Variants in KIF13B observed in about 807,000 individuals in gnomAD.
The protein encoded by KIF13B is kinesin-like protein KIF13B.
KIF13B carries 127 observed loss-of-function variants against 222.0 expected under a neutral mutation model. The ratio of observed to expected loss-of-function variants is 0.57; its 90% confidence interval spans 0.50 to 0.66. The LOEUF (loss-of-function observed/expected upper bound fraction) is 0.66. Among genes scored for constraint, KIF13B ranks in the 30% least tolerant of loss-of-function variants. The pLI is 0.00. For synonymous variants in KIF13B, 976 were observed against 919.0 expected (o/e 1.06, Z -1.12); for missense variants, 2,173 against 2,379.0 (o/e 0.91, Z 1.80).
intron 37 of KIF13B, among the ~76,000 whole-genome samples, chr8:29,079,740 C>G (rs963235541): frequency 1.3e-5 from 2 of 152,136 alleles, no homozygotes; most frequent in African/African-American, 4.8e-5. Flanking sequence ...CTAACAATCA[C>G]CCCTTACCCT....
intron 16 of KIF13B, 82 bp downstream of exon 16, chr8:29,148,495 G>C: frequency 9.8e-7 from 1 of 1,017,798 alleles, no homozygotes; most frequent in South Asian, 2.0e-5. Flanking sequence ...CTGCAGCCTG[G>C]AACTCCTGGG....
intron 2 of KIF13B, among the ~76,000 whole-genome samples, chr8:29,197,738 C>T (rs1008551289): frequency 6.6e-6 from 1 of 152,202 alleles, no homozygotes; most frequent in Non-Finnish European, 1.5e-5. Flanking sequence ...TGGCTTCAGG[C>T]TGCTTAAAGC....
intron 20 of KIF13B, 120 bp from the exon 21 acceptor site, chr8:29,140,311 C>CCTAGT (rs1810756911): frequency 7.0e-7 from 1 of 1,435,232 alleles, no homozygotes; most frequent in African/African-American, 1.4e-5. Flanking sequence ...AATTTAGAGG[C>CCTAGT]CTAGTCTCTG....
chr8:29,135,193 G>GTCAC (rs1810504020), intron 21 of KIF13B, among the ~76,000 whole-genome samples: 1 of 152,050 alleles, frequency 6.6e-6, no homozygotes, highest in African/African-American at 2.4e-5. Context: ...ACAGGTGTGT[G>GTCAC]TCACCATGCC....
chr8:29,125,747 G>GA (rs34392914), intron 26 of KIF13B, among the ~76,000 whole-genome samples: 68,957 of 143,334 alleles, frequency 0.48, 17,809 homozygotes, highest in Non-Finnish European at 0.61. Context: ...GAAAACAAAG[G>GA]AAAAAAAAAA....
intron 2 of KIF13B, among the ~76,000 whole-genome samples, chr8:29,208,009 C>A (rs890567533): frequency 6.6e-6 from 1 of 152,174 alleles, no homozygotes; most frequent in African/African-American, 2.4e-5. Context: ...CAAGTCCTTG[C>A]CCTCAAGGAG....
At chr8:29,228,472 A>AAAATACATATATAT in intron 2 of KIF13B, among the ~76,000 whole-genome samples, 2 of 117,086 alleles carry the variant, frequency 1.7e-5, no homozygotes, top group Admixed American at 8.9e-5. Context: ...ATCTTAAAAA[A>AAAATACATATATAT]ATATATATAT....
Position 29,177,555 on chromosome 8 carries a change from T to G in KIF13B, c.744A>C (p.Lys248Asn), listed in dbSNP as rs1812532821. 6.2e-7 allele frequency: 1 copy of G among 1,613,140 alleles called. No individual in the cohort carries two copies. Residue 248 changes from lysine (K) to asparagine (N), a missense_variant, in exon 9 of 40, where the codon AAA (lysine) becomes AAC (asparagine). By Grantham distance (94) the Lys-to-Asn change is moderately conservative. Transcript: ENST00000524189. ...TGCCAGCTAAATCCACCAGGCTGAG[T>G]TTGCCCACTTTCTCTCCAGATGTCT... ...KSGTSGEKVG[K>N]LSLVDLAGSE...
chr8:29,101,588 C>T (rs1808787876), intron 35 of KIF13B, among the ~76,000 whole-genome samples: 1 of 152,150 alleles, frequency 6.6e-6, no homozygotes, highest in Non-Finnish European at 1.5e-5. Context: ...CTCATTTACT[C>T]AAATACTGAA....
At chr8:29,120,504 T>C (rs867427318) in intron 29 of KIF13B, among the ~76,000 whole-genome samples, 242 of 10,858 alleles carry the variant, frequency 0.022, 19 homozygotes, top group African/African-American at 0.094. Flanking sequence ...ACAAAGGACA[T>C]GAACTCATCA....
At chr8:29,137,442 G>A (rs1810615851) in intron 21 of KIF13B, among the ~76,000 whole-genome samples, 1 of 152,236 alleles carries the variant, frequency 6.6e-6, no homozygotes, top group African/African-American at 2.4e-5. Context: ...AGGAATGTCT[G>A]CAGGCACGGA....
intron 30 of KIF13B, among the ~76,000 whole-genome samples, chr8:29,117,358 T>TCA (rs965466417): frequency 6.6e-6 from 1 of 152,136 alleles, no homozygotes; most frequent in Admixed American, 6.5e-5. Flanking sequence ...TTCTCACAAC[T>TCA]CACACACACA....
chr8:29,158,082 T>C (rs1811618486), intron 13 of KIF13B, among the ~76,000 whole-genome samples: 1 of 152,164 alleles, frequency 6.6e-6, no homozygotes, highest in African/African-American at 2.4e-5. Context: ...CCGTCTGAAA[T>C]GTTCTTCCCC....
intron 1 of KIF13B, among the ~76,000 whole-genome samples, chr8:29,262,778 G>A (rs1816731684): frequency 1.3e-5 from 2 of 151,014 alleles, no homozygotes; most frequent in Non-Finnish European, 1.5e-5. Context: ...CAGGGACGGG[G>A]CTGGCCAGGG....
intron 2 of KIF13B, among the ~76,000 whole-genome samples, chr8:29,213,847 G>A (rs374991855): frequency 8.5e-5 from 13 of 152,060 alleles, no homozygotes; most frequent in Admixed American, 1.3e-4. Flanking sequence ...CCAGGTACTC[G>A]GGAGACTGAG....
chr8:29,111,230 C>T (rs1306308558), intron 32 of KIF13B, among the ~76,000 whole-genome samples: 1 of 152,178 alleles, frequency 6.6e-6, no homozygotes, highest in East Asian at 1.9e-4. Context: ...TTAGGTCTCC[C>T]GTCTCCTGGT....
At chr8:29,173,027 G>A (rs1410602693) in intron 10 of KIF13B, among the ~76,000 whole-genome samples, 1 of 151,042 alleles carries the variant, frequency 6.6e-6, no homozygotes, top group Non-Finnish European at 1.5e-5. Context: ...CCATTCTCCT[G>A]CCTCAATCTC....
At chr8:29,186,493 G>A in intron 5 of KIF13B, 21 bp from the exon 6 acceptor site, 1 of 1,590,362 alleles carries the variant, frequency 6.3e-7, no homozygotes. Context: ...GGAAATCAGA[G>A]TTACTATTGT....
intron 2 of KIF13B, among the ~76,000 whole-genome samples, chr8:29,218,216 C>A (rs574792627): frequency 1.3e-5 from 2 of 152,286 alleles, no homozygotes; most frequent in African/African-American, 4.8e-5. Flanking sequence ...CAATGGAAAT[C>A]CTCAGCACCT....
Sources: gnomAD v4.1 joint callset for allele counts (sites outside exome capture counted in the v4.1 genomes callset) on GRCh38, gnomAD v4.1.1 for gene constraint, MANE v1.5 for transcripts, NCBI Gene and HGNC (gene_info 2026-07-23, HGNC 2026-07-21) for gene names.